DIP2C: variants seen among roughly 807,000 people sequenced by gnomAD.
The protein encoded by DIP2C is DIP2 acetate--CoA ligase C (putative), also known as disco-interacting protein 2 homolog C.
DIP2C carries 33 observed loss-of-function variants against 192.4 expected under a neutral mutation model. That is an observed-to-expected ratio of 0.17 (90% CI 0.13 to 0.23). The LOEUF (loss-of-function observed/expected upper bound fraction) is 0.23, where lower values mean the gene tolerates loss of function less well. DIP2C is among the 10% of genes least tolerant of loss of function. DIP2C has a pLI of 1.00. For missense variants in DIP2C, 1,537 were observed against 2,110.1 expected (o/e 0.73, Z 5.32); for synonymous variants, 979 against 864.1 (o/e 1.13, Z -2.33).
intron 4 of DIP2C, among the ~76,000 whole-genome samples, chr10:426,422 T>C (rs1486748903): frequency 6.6e-6 from 1 of 152,242 alleles, no homozygotes; most frequent in Non-Finnish European, 1.5e-5. Flanking sequence ...AAGAGAGCAA[T>C]TCTTCCCAAA....
chr10:549,094 CA>C (rs1848458694), intron 1 of DIP2C, among the ~76,000 whole-genome samples: 1 of 152,140 alleles, frequency 6.6e-6, no homozygotes. Flanking sequence ...TTCTACTTGA[CA>C]GAAAACAAGC....
intron 1 of DIP2C, among the ~76,000 whole-genome samples, chr10:658,835 A>G (rs374405354): frequency 3.9e-5 from 6 of 152,194 alleles, no homozygotes; most frequent in African/African-American, 1.4e-4. Context: ...AATGGCTCAA[A>G]CCTTTAAAAT....
rs531877063 is a variant in DIP2C, at chr10:466,297, C to A, written c.268+6142G>T. On this transcript the variant is annotated intron_variant, in intron 3 of 36. Coordinates refer to ENST00000280886, the MANE Select transcript of DIP2C (RefSeq NM_014974.3). Reference sequence around the variant, plus strand: ...AAAACAAGCAATGGGGAAAGGATTCCCTATTTAATAAATGGTGCTGGGAAA... The same window carrying A: ...AAAACAAGCAATGGGGAAAGGATTCACTATTTAATAAATGGTGCTGGGAAA... 8.8e-5 allele frequency among the ~76,000 whole-genome samples: 13 copies of A among 148,522 alleles called. No individual in the cohort carries two copies. In the South Asian group the frequency reaches 2.8e-3, roughly 32 times the overall value.
intron 3 of DIP2C, among the ~76,000 whole-genome samples, chr10:455,337 A>T (rs10904251): frequency 1.0e-5 from 1 of 97,474 alleles, no homozygotes; most frequent in African/African-American, 3.6e-5. Flanking sequence ...ACCGTGAGGA[A>T]TAAATGAGAT....
At chr10:281,077 T>C (rs1954794499) in intron 36 of DIP2C, 123 bp downstream of exon 36, 1 of 1,357,026 alleles carries the variant, frequency 7.4e-7, no homozygotes, top group South Asian at 1.4e-5. Context: ...TATAGTCAAA[T>C]GTTGAATCGC....
chr10:482,719 T>A (rs1843696396), intron 2 of DIP2C, among the ~76,000 whole-genome samples: 1 of 152,204 alleles, frequency 6.6e-6, no homozygotes, highest in Non-Finnish European at 1.5e-5. Flanking sequence ...ACTCTCTAAA[T>A]CTCCACGGCC....
intron 8 of DIP2C, among the ~76,000 whole-genome samples, chr10:409,422 T>C (rs1965035506): frequency 6.6e-6 from 1 of 152,030 alleles, no homozygotes; most frequent in Non-Finnish European, 1.5e-5. Context: ...TCCTAGCAGA[T>C]CAAAGCTTCA....
intron 32 of DIP2C, among the ~76,000 whole-genome samples, chr10:298,545 A>G (rs1955869892): frequency 1.3e-5 from 2 of 152,174 alleles, no homozygotes; most frequent in African/African-American, 2.4e-5. Context: ...GAGATGCGAC[A>G]CTGCTGGCCT....
intron 1 of DIP2C, among the ~76,000 whole-genome samples, chr10:547,124 T>G (rs1848325557): frequency 6.6e-6 from 1 of 152,220 alleles, no homozygotes; most frequent in Non-Finnish European, 1.5e-5. Context: ...ATACTTCCTG[T>G]TTCTCATTCA....
intron 10 of DIP2C, among the ~76,000 whole-genome samples, chr10:394,088 C>G (rs1963736685): frequency 6.6e-6 from 1 of 152,214 alleles, no homozygotes; most frequent in Admixed American, 6.5e-5. Flanking sequence ...TGAAATTGAT[C>G]AGGAATCCAG....
intron 1 of DIP2C, among the ~76,000 whole-genome samples, chr10:625,748 T>C (rs186646219): frequency 5.8e-4 from 88 of 152,346 alleles, no homozygotes; most frequent in African/African-American, 1.2e-3. Flanking sequence ...TGAACCTTTC[T>C]GACTACTCAC....
chr10:277,236 T>C lies in DIP2C; in HGVS notation c.*89A>G. 3 of 1,544,506 alleles carry C rather than the reference T, an allele frequency of 1.9e-6. No homozygotes were observed. The South Asian group carries it at 3.7e-5, about 19-fold the overall frequency. On this transcript the variant is annotated 3_prime_UTR_variant, in exon 37 of 37. Coordinates refer to ENST00000280886, the MANE Select transcript of DIP2C (RefSeq NM_014974.3). ...CTCACCACAAATGGCTGTATTCTGG[T>C]GAGTGTTGCCCTGTGTCTGCACGCT...
intron 13 of DIP2C, among the ~76,000 whole-genome samples, chr10:388,851 CCT>C (rs1191018234): frequency 1.3e-5 from 2 of 152,338 alleles, no homozygotes; most frequent in South Asian, 4.1e-4. Context: ...GCAGCGGTGC[CCT>C]GTCAGGAGCC....
chr10:310,813 C>T (rs986314585), intron 31 of DIP2C, among the ~76,000 whole-genome samples: 2 of 152,126 alleles, frequency 1.3e-5, no homozygotes, highest in African/African-American at 2.4e-5. Flanking sequence ...AGCAGCATCA[C>T]GAAGGCTGCA....
At chr10:336,976 A>T (rs1456684561) in intron 29 of DIP2C, among the ~76,000 whole-genome samples, 7 of 37,112 alleles carry the variant, frequency 1.9e-4, no homozygotes, top group Admixed American at 3.7e-4. Context: ...AGGCCTAGGC[A>T]GCTGTGTGTG....
At chr10:499,632 C>CA (rs1345876507) in intron 1 of DIP2C, among the ~76,000 whole-genome samples, 4 of 152,012 alleles carry the variant, frequency 2.6e-5, no homozygotes, top group South Asian at 2.1e-4. Flanking sequence ...ACACAGTTAC[C>CA]AAAAAAACAG....
At chr10:471,012 T>C (rs1970584746) in intron 3 of DIP2C, among the ~76,000 whole-genome samples, 1 of 152,024 alleles carries the variant, frequency 6.6e-6, no homozygotes, top group Admixed American at 6.5e-5. Flanking sequence ...GCCTCCACAC[T>C]CCTGAACTCG....
rs141449858 is a variant in DIP2C at position 478,536 on chromosome 10, G to T, written c.158-5987C>A. On this transcript the variant is annotated intron_variant, in intron 2 of 36. Transcript: ENST00000280886. ...TCTCACTCATCCAGTGTCCAGGCAT[G>T]CTGGGGGTGTAGACACATCCAAATT... Among the ~76,000 whole-genome samples the T allele has an allele frequency of 1.8e-4, 27 of 151,702 alleles. No individual in the cohort carries two copies. The East Asian group carries it at 5.1e-3, about 29-fold the overall frequency.
intron 1 of DIP2C, among the ~76,000 whole-genome samples, chr10:591,153 T>C (rs541957368): frequency 4.6e-5 from 7 of 152,304 alleles, no homozygotes; most frequent in Admixed American, 2.0e-4. Flanking sequence ...ATGGAGTCTC[T>C]GCTCTGTCAC....
Sources: gnomAD v4.1 joint callset for allele counts (sites outside exome capture counted in the v4.1 genomes callset) on GRCh38, gnomAD v4.1.1 for gene constraint, MANE v1.5 for transcripts, NCBI Gene and HGNC (gene_info 2026-07-23, HGNC 2026-07-21) for gene names.